Variants in SLC2A14 observed in about 807,000 individuals in gnomAD.
The protein encoded by SLC2A14 is solute carrier family 2 member 14.
In SLC2A14, 13 loss-of-function variants were observed where a neutral mutation model predicts 43.0. That is an observed-to-expected ratio of 0.30 (90% CI 0.20 to 0.48). The LOEUF (loss-of-function observed/expected upper bound fraction) is 0.48. Among genes scored for constraint, SLC2A14 ranks in the 20% least tolerant of loss-of-function variants. The pLI is 0.99. For missense variants in SLC2A14, 428 were observed against 620.4 expected (o/e 0.69, Z 3.29); for synonymous variants, 190 against 233.8 (o/e 0.81, Z 1.71).
chr12:7,851,945 A>T (rs770958371), intron 2 of SLC2A14, among the ~76,000 whole-genome samples: 4 of 152,320 alleles, frequency 2.6e-5, no homozygotes, highest in African/African-American at 9.6e-5. Flanking sequence ...CCACATTCTT[A>T]TCTACCTGGT....
upstream of SLC2A14, among the ~76,000 whole-genome samples, chr12:7,874,104 C>A (rs190520462): frequency 7.2e-5 from 11 of 152,154 alleles, no homozygotes; most frequent in African/African-American, 2.6e-4. Context: ...TTCGTGCCCA[C>A]TAGAATGACT....
intron 2 of SLC2A14, among the ~76,000 whole-genome samples, chr12:7,859,388 G>A (rs774051088): frequency 6.6e-6 from 1 of 151,668 alleles, no homozygotes; most frequent in African/African-American, 2.4e-5. Flanking sequence ...AGACTCCGCT[G>A]TCTCAAAAAA....
chr12:7,874,533 G>A (rs368446499), upstream of SLC2A14, among the ~76,000 whole-genome samples: 1 of 151,418 alleles, frequency 6.6e-6, no homozygotes, highest in African/African-American at 2.4e-5. Flanking sequence ...CTAGCCGGGC[G>A]TGGTGGCATG....
chr12:7,815,471 C>A (rs893634356), intron 10 of SLC2A14, among the ~76,000 whole-genome samples: 5 of 152,122 alleles, frequency 3.3e-5, no homozygotes, highest in Non-Finnish European at 7.4e-5. Flanking sequence ...ATCTTTTCTG[C>A]CGTCATTTTT....
chr12:7,876,800 A>G (rs1241580186), upstream of SLC2A14, among the ~76,000 whole-genome samples: 1 of 152,050 alleles, frequency 6.6e-6, no homozygotes, highest in African/African-American at 2.4e-5. Flanking sequence ...GTGCAAAGAA[A>G]AAAAAATTAG....
chr12:7,826,715 C>G (rs891130813), intron 7 of SLC2A14, among the ~76,000 whole-genome samples: 3 of 152,094 alleles, frequency 2.0e-5, no homozygotes, highest in Admixed American at 6.6e-5. Context: ...TGTTTTGCCG[C>G]CCTCTTTAAA....
At chr12:7,850,820 T>G (rs1290852381) in intron 2 of SLC2A14, 1 of 152,246 alleles carries the variant, frequency 6.6e-6, no homozygotes, top group Non-Finnish European at 1.5e-5. Flanking sequence ...AGACCAGCTA[T>G]GAAGGAAAAT....
chr12:7,863,456 C>T (rs1221606812), intron 2 of SLC2A14: 1 of 452,802 alleles, frequency 2.2e-6, no homozygotes. Flanking sequence ...GAAACTCCAT[C>T]TCTATTAAAA....
In SLC2A14 at chr12:7,889,732, C is replaced by A. The variant is rs749551721; in HGVS notation, c.132+1264G>T. ...TGTATTTTTAGTAGAGACAGGGTTC[C>A]ATTATATTGGTCAGGCTGGTCTCGA... On this transcript the variant is annotated intron_variant, in intron 1 of 9. Transcript: ENST00000539924. Among the ~76,000 whole-genome samples, 4 of 151,768 alleles carry A rather than the reference C, an allele frequency of 2.6e-5. No homozygotes were observed. In the South Asian group the frequency reaches 8.3e-4, roughly 32 times the overall value.
chr12:7,853,922 C>T (rs185429986), intron 2 of SLC2A14, among the ~76,000 whole-genome samples: 55 of 152,226 alleles, frequency 3.6e-4, no homozygotes, highest in African/African-American at 1.2e-3. Flanking sequence ...AAATGAGCAT[C>T]AAATTTATAT....
intron 2 of SLC2A14, among the ~76,000 whole-genome samples, chr12:7,847,850 G>A (rs992610714): frequency 1.2e-4 from 19 of 152,118 alleles, no homozygotes; most frequent in South Asian, 8.3e-4. Context: ...CGCAGACATA[G>A]GTGAGAATTG....
At position 7,848,594 on chromosome 12, in the gene SLC2A14, C is replaced by T. The variant is rs112787319; in HGVS notation, c.19-15780G>A. Among the ~76,000 whole-genome samples the T allele has an allele frequency of 2.7e-3, 408 of 149,862 alleles. 4 individuals are homozygous for T. The highest frequency in any genetic ancestry group is 9.5e-3 in the African/African-American group (385 of 40,660). On this transcript the variant is annotated intron_variant, in intron 2 of 10. Coordinates refer to ENST00000431042, the MANE Select transcript of SLC2A14 (RefSeq NM_001286234.2). Reference sequence around the variant, plus strand: ...TTTGAGACAGAGTTTTTGCTCTTGTCGCCCAGGCTGGAGTGCAATGGCGCA... The same window carrying T: ...TTTGAGACAGAGTTTTTGCTCTTGTTGCCCAGGCTGGAGTGCAATGGCGCA...
intron 6 of SLC2A14, 48 bp downstream of exon 6, chr12:7,828,655 AC>A: frequency 1.3e-6 from 2 of 1,599,764 alleles, no homozygotes; most frequent in Non-Finnish European, 1.7e-6. Context: ...CACCCTTAAA[AC>A]AAACCACAAC....
chr12:7,852,223 T>C (rs1300588236), intron 2 of SLC2A14, among the ~76,000 whole-genome samples: 3 of 151,818 alleles, frequency 2.0e-5, no homozygotes, highest in Non-Finnish European at 4.4e-5. Context: ...GAAAGGAAAA[T>C]GAGATATGGT....
upstream of SLC2A14, among the ~76,000 whole-genome samples, chr12:7,875,013 A>G (rs1197267973): frequency 1.8e-5 from 2 of 108,322 alleles, no homozygotes; most frequent in Non-Finnish European, 3.3e-5. Flanking sequence ...TACATATATA[A>G]AAATTATATA....
chr12:7,835,677 C>T (rs1865394040), intron 2 of SLC2A14, among the ~76,000 whole-genome samples: 1 of 152,126 alleles, frequency 6.6e-6, no homozygotes. Context: ...GAACACAAGC[C>T]TTTAAACGCA....
At chr12:7,825,715 T>C (rs973362967) in intron 7 of SLC2A14, among the ~76,000 whole-genome samples, 1 of 142,848 alleles carries the variant, frequency 7.0e-6, no homozygotes, top group Non-Finnish European at 1.5e-5. Context: ...TGAGCCAAGA[T>C]TGCATCACTG....
intron 4 of SLC2A14, among the ~76,000 whole-genome samples, chr12:7,830,755 A>T (rs893207924): frequency 6.6e-6 from 1 of 152,230 alleles, no homozygotes; most frequent in African/African-American, 2.4e-5. Flanking sequence ...AAATTAAAAC[A>T]GTTCCTTTGT....
intron 2 of SLC2A14, among the ~76,000 whole-genome samples, chr12:7,854,041 T>A (rs1348792719): frequency 6.6e-6 from 1 of 152,032 alleles, no homozygotes; most frequent in African/African-American, 2.4e-5. Context: ...ATGATGGCTT[T>A]CCCCCTGACT....
Sources: gnomAD v4.1 joint callset for allele counts (sites outside exome capture counted in the v4.1 genomes callset) on GRCh38, gnomAD v4.1.1 for gene constraint, MANE v1.5 for transcripts, NCBI Gene and HGNC (gene_info 2026-07-23, HGNC 2026-07-21) for gene names.